The following ROS1 variants were observed in gnomAD, a reference collection of about 807,000 sequenced individuals.
ROS1 encodes ROS proto-oncogene 1, receptor tyrosine kinase.
In ROS1, 263 loss-of-function variants were observed where a neutral mutation model predicts 273.5. That is an observed-to-expected ratio of 0.96 (90% CI 0.87 to 1.06). ROS1 has a LOEUF of 1.06. Ranked by LOEUF, ROS1 falls within the 50% of genes least tolerant of loss-of-function variation. ROS1 has a pLI of 0.00. For synonymous variants in ROS1, 1,008 were observed against 954.1 expected, an observed-to-expected ratio of 1.06 and a Z score of -1.04; for missense variants, 2,833 against 2,751.1, an observed-to-expected ratio of 1.03 and a Z score of -0.67.
chr6:117,422,215 T>G (rs1775809062), intron 1 of ROS1, among the ~76,000 whole-genome samples: 1 of 152,190 alleles, frequency 6.6e-6, no homozygotes, highest in Non-Finnish European at 1.5e-5. Flanking sequence ...CTCACCATGT[T>G]GCCCAGGCTG....
At chr6:117,301,675 C>T (rs1215100542) in intron 42 of ROS1, 1 of 152,308 alleles carries the variant, frequency 6.6e-6, no homozygotes, top group African/African-American at 2.4e-5. Flanking sequence ...GTCTCACCTG[C>T]ACTGTCAGTC....
chr6:117,293,002 T>G (rs1490638915), intron 43 of ROS1, among the ~76,000 whole-genome samples: 1 of 152,234 alleles, frequency 6.6e-6, no homozygotes, highest in African/African-American at 2.4e-5. Flanking sequence ...TGCAGTTCTA[T>G]GAATACCTCA....
intron 42 of ROS1, among the ~76,000 whole-genome samples, chr6:117,302,089 C>T (rs1348784076): frequency 6.6e-6 from 1 of 152,098 alleles, no homozygotes; most frequent in Non-Finnish European, 1.5e-5. Flanking sequence ...TTCATCACAC[C>T]TCAACTCATA....
Position 117,342,528 on chromosome 6 carries a change from A to G in ROS1, c.4523T>C (p.Ile1508Thr). The change falls in exon 29 of 44, where the codon ATA (isoleucine) becomes ACA (threonine). Residue 1508 changes from isoleucine (I) to threonine (T), a missense_variant. Ile to Thr is a moderately conservative substitution (Grantham distance 89, BLOSUM62 -1). Coordinates refer to ENST00000368507, the MANE Select transcript of ROS1 (RefSeq NM_001378902.1). ...TGGTTGTAAATCTTCAATAAGAGCT[A>G]TACTGTCCTGAAATTCCTGTAATTG... ...KYRILEFQDSIALIEDLQPFS... is the reference protein window; with the variant it reads ...KYRILEFQDSTALIEDLQPFS... 1 of 1,541,260 alleles carries G rather than the reference A, an allele frequency of 6.5e-7. No individual in the cohort carries two copies. Among genetic ancestry groups the G allele is most frequent in the Non-Finnish European group, 8.8e-7 (1 of 1,141,346 alleles).
At chr6:117,365,268 T>A (rs1391177216) in intron 20 of ROS1, 64 bp from the exon 21 acceptor site, 1 of 1,461,768 alleles carries the variant, frequency 6.8e-7, no homozygotes, top group Non-Finnish European at 9.2e-7. Flanking sequence ...TCATTCCTTA[T>A]TATCTAAAAT....
chr6:117,408,578 G>A (rs1774625487), intron 5 of ROS1, among the ~76,000 whole-genome samples: 1 of 152,218 alleles, frequency 6.6e-6, no homozygotes, highest in African/African-American at 2.4e-5. Context: ...GTGCTGGAGA[G>A]GATGTGGAGA....
Position 117,389,660 on chromosome 6 carries a change from A to G in ROS1, c.1476T>C (p.Asp492=). The G allele has an allele frequency of 6.2e-7, 1 of 1,614,248 alleles. No individual in the cohort carries two copies. Among genetic ancestry groups the G allele is most frequent in the Non-Finnish European group, 8.5e-7 (1 of 1,180,036 alleles). Residue 492 remains aspartate (D), a synonymous_variant, in exon 13 of 44, where the codon GAT becomes GAC. Transcript: ENST00000368507. ...TAQVFMSTFL[D]GSASHLILPR... is the part of the protein sequence containing the mutation. Reference sequence around the variant, plus strand: ...GTAGGATGAGATGGGAAGCAGAGCCATCCAGAAATGTTGACATGAAGACTT... The same window carrying G: ...GTAGGATGAGATGGGAAGCAGAGCCGTCCAGAAATGTTGACATGAAGACTT...
At chr6:117,311,530 T>C (rs564090141) in intron 39 of ROS1, among the ~76,000 whole-genome samples, 5 of 152,224 alleles carry the variant, frequency 3.3e-5, no homozygotes, top group African/African-American at 9.6e-5. Flanking sequence ...AAGTTACATA[T>C]ATGGCTGGTC....
intron 40 of ROS1, among the ~76,000 whole-genome samples, chr6:117,310,577 G>A (rs1024471303): frequency 6.6e-6 from 1 of 151,900 alleles, no homozygotes; most frequent in African/African-American, 2.4e-5. Flanking sequence ...GGTGTATGAT[G>A]TTCCCCTCCC....
Position 117,342,426 on chromosome 6 carries a change from T to A in ROS1, c.4625A>T (p.Glu1542Val). The A allele has an allele frequency of 3.1e-6, 5 of 1,612,150 alleles. No individual in the cohort carries two copies. Among genetic ancestry groups the A allele is most frequent in the Non-Finnish European group, 4.2e-6 (5 of 1,179,166 alleles). ...TCCATTTTTAGTTTTTCCCCAAATC[T>A]CTTTTCCTGGTGGTAAATGTTCCAA... ...DPLEHLPPGK[E>V]IWGKTKNGVP... Residue 1542 changes from glutamate (E) to valine (V), a missense_variant, in exon 29 of 44, where the codon GAG becomes GTG. Glu to Val is a moderately radical substitution (Grantham distance 121, BLOSUM62 -2). Transcript: ENST00000368507.
At chr6:117,348,777 T>G (rs946300735) in intron 27 of ROS1, among the ~76,000 whole-genome samples, 9 of 151,966 alleles carry the variant, frequency 5.9e-5, no homozygotes, top group Non-Finnish European at 1.2e-4. Flanking sequence ...TCCCGTAAGT[T>G]TTGATGTTTT....
rs758457911 is a variant in ROS1 at position 117,385,755 on chromosome 6, G to C, written c.2217C>G (p.Ser739Arg). The C allele has an allele frequency of 7.4e-6, 12 of 1,614,048 alleles. No individual in the cohort carries two copies. The Admixed American group carries it at 1.7e-4, about 22-fold the overall frequency. ...TDISENYHLP[S>R]IAGAGALAFE... ...AAGCTAAAGCCCCTGCTCCTGCAATGCTGGGTAGGTGATAATTCTCTGAGA... is the reference window on the plus strand; with the variant it reads ...AAGCTAAAGCCCCTGCTCCTGCAATCCTGGGTAGGTGATAATTCTCTGAGA... Residue 739 changes from serine to arginine, a missense_variant, in exon 16 of 44, where the codon AGC becomes AGG. Coordinates refer to ENST00000368507, the MANE Select transcript of ROS1 (RefSeq NM_001378902.1).
At chr6:117,381,567 A>C (rs1407292429) in intron 17 of ROS1, among the ~76,000 whole-genome samples, 1 of 151,998 alleles carries the variant, frequency 6.6e-6, no homozygotes, top group Non-Finnish European at 1.5e-5. Flanking sequence ...AAAAGACATT[A>C]TTTCCTCCTT....
In ROS1 at chr6:117,311,757, A is replaced by G. The variant is rs533213950; in HGVS notation, c.6118-640T>C. Reference sequence around the variant, plus strand: ...TCTAAGAGAGTGAGTACAAACATACACTTGAGCCTGTACTGGTTGCAATGA... The same window carrying G: ...TCTAAGAGAGTGAGTACAAACATACGCTTGAGCCTGTACTGGTTGCAATGA... On this transcript the variant is annotated intron_variant, in intron 39 of 43. Transcript: ENST00000368507. Among the ~76,000 whole-genome samples the G allele has an allele frequency of 1.1e-4, 16 of 152,198 alleles. No homozygotes were observed. In the East Asian group the frequency reaches 2.7e-3, roughly 26 times the overall value.
intron 32 of ROS1, among the ~76,000 whole-genome samples, chr6:117,336,204 C>T (rs887986529): frequency 5.9e-5 from 9 of 151,768 alleles, no homozygotes; most frequent in Non-Finnish European, 8.8e-5. Flanking sequence ...ATGTGCAGGA[C>T]GTGAAGGTTT....
At position 117,358,026 on chromosome 6, in the gene ROS1, G is replaced by C; in HGVS notation, c.3634-17C>G. On this transcript the variant is annotated splice_polypyrimidine_tract_variant and intron_variant, in intron 24 of 43. Transcript: ENST00000368507. ...TTGGAAAAGCTTAACAACAGGTAGA[G>C]AACACAGCCAAGAAGAGAGTGGTTA... The C allele has an allele frequency of 6.4e-7, 1 of 1,555,156 alleles. No homozygotes were observed. The highest frequency in any genetic ancestry group is 1.1e-5 in the South Asian group (1 of 89,242).
intron 32 of ROS1, among the ~76,000 whole-genome samples, chr6:117,330,290 C>T (rs972581631): frequency 6.6e-6 from 1 of 152,130 alleles, no homozygotes; most frequent in Non-Finnish European, 1.5e-5. Context: ...TCAGTAACTG[C>T]AGCCAGAGGC....
rs746258755 is a variant in ROS1 at position 117,396,213 on chromosome 6, A to T, written c.858T>A (p.Ser286=). ...CTGCTGAAGATGAAGTGGTAATACT[A>T]GATTCTGCTTCTGGACCCTCACCAA... ...NEVGEGPEAE[S]SITTSSSAVQ... is the part of the protein sequence containing the mutation. The change falls in exon 9 of 44, where the codon TCT becomes TCA. Residue 286 remains serine (S), a synonymous_variant. Coordinates refer to ENST00000368507, the MANE Select transcript of ROS1 (RefSeq NM_001378902.1). The T allele has an allele frequency of 3.2e-5, 52 of 1,613,650 alleles. No individual in the cohort carries two copies. Among genetic ancestry groups the T allele is most frequent in the Non-Finnish European group, 4.2e-5 (50 of 1,179,702 alleles).
Position 117,326,216 on chromosome 6 carries a change from T to C in ROS1, c.5539+8A>G. 1 of 1,572,918 alleles carries C rather than the reference T, an allele frequency of 6.4e-7. No homozygotes were observed. The highest frequency in any genetic ancestry group is 1.2e-5 in the South Asian group (1 of 84,976). The stretch of plus-strand genomic sequence containing the variant: ...TAAGCTAGTGTGTAGACAGACATGG[T>C]AACATACCTCCAACTAATATAATAT... On this transcript the variant is annotated splice_region_variant and intron_variant, in intron 34 of 43. Transcript: ENST00000368507.
Sources: gnomAD v4.1 joint callset for allele counts (sites outside exome capture counted in the v4.1 genomes callset) on GRCh38, gnomAD v4.1.1 for gene constraint, MANE v1.5 for transcripts, NCBI Gene and HGNC (gene_info 2026-07-23, HGNC 2026-07-21) for gene names.